NUBPL: variants seen among roughly 807,000 people sequenced by gnomAD.
NUBPL encodes iron-sulfur cluster transfer protein NUBPL.
Under a neutral mutation model 45.7 loss-of-function variants are expected in NUBPL, and 31 were observed. The ratio of observed to expected loss-of-function variants is 0.68; its 90% CI spans 0.51 to 0.92. NUBPL has a LOEUF of 0.92. Ranked by LOEUF, NUBPL falls within the 40% of genes least tolerant of loss-of-function variation. The probability of loss-of-function intolerance (pLI) is 0.00; values close to 1 mark genes in which losing one functional copy is unlikely to be tolerated. For synonymous variants in NUBPL, 144 were observed against 140.9 expected, an observed-to-expected ratio of 1.02 and a Z score of -0.15; for missense variants, 401 against 398.7, an observed-to-expected ratio of 1.01 and a Z score of -0.05.
chr14:31,628,974 A>G (rs916536131), intron 4 of NUBPL, among the ~76,000 whole-genome samples: 1 of 152,214 alleles, frequency 6.6e-6, no homozygotes, highest in African/African-American at 2.4e-5. Context: ...CTAAGGTGCC[A>G]GCAGTTTTAC....
At chr14:31,806,831 C>T (rs2039697340) in intron 7 of NUBPL, among the ~76,000 whole-genome samples, 1 of 152,182 alleles carries the variant, frequency 6.6e-6, no homozygotes, top group South Asian at 2.1e-4. Flanking sequence ...TCCAAGTGTT[C>T]TCATTGTTCA....
chr14:31,787,944 C>G (rs1474050570), intron 7 of NUBPL, 71 bp downstream of exon 7: 5 of 1,004,216 alleles, frequency 5.0e-6, no homozygotes, highest in Non-Finnish European at 7.8e-6. Flanking sequence ...AAAAAACAAA[C>G]TCCATGTTAG....
At chr14:31,834,578 A>G (rs552255659) in intron 8 of NUBPL, among the ~76,000 whole-genome samples, 1 of 152,340 alleles carries the variant, frequency 6.6e-6, no homozygotes, top group East Asian at 1.9e-4. Flanking sequence ...ACTGGATAGC[A>G]TTCTGCATCT....
chr14:31,804,061 C>T (rs2138875088), intron 7 of NUBPL, among the ~76,000 whole-genome samples: 1 of 152,134 alleles, frequency 6.6e-6, no homozygotes, highest in African/African-American at 2.4e-5. Flanking sequence ...ACCTAACTCT[C>T]AATCTAAATT....
chr14:31,805,767 G>A (rs1248060712), intron 7 of NUBPL, among the ~76,000 whole-genome samples: 1 of 152,040 alleles, frequency 6.6e-6, no homozygotes, highest in Admixed American at 6.6e-5. Context: ...TGAAGGGTGG[G>A]AGGAAGGAGA....
intron 4 of NUBPL, chr14:31,654,148 AT>A (rs762859162): frequency 2.9e-5 from 13 of 452,692 alleles, no homozygotes; most frequent in South Asian, 1.7e-4. Context: ...AGCAACATGA[AT>A]TTTTTGGTTT....
chr14:31,598,600 G>T lies in NUBPL; in HGVS notation c.292-689G>T, dbSNP rs115225520. Among the ~76,000 whole-genome samples, 977 of 152,312 alleles carry T rather than the reference G, an allele frequency of 6.4e-3. 9 individuals are homozygous for T. Among genetic ancestry groups the T allele is most frequent in the African/African-American group, 0.022 (914 of 41,560 alleles). Reference sequence around the variant, plus strand: ...TAAGCTGCTGATTAATTGACAGCCAGCGAAGAGCCCAGACAGGGTATCCTG... The same window carrying T: ...TAAGCTGCTGATTAATTGACAGCCATCGAAGAGCCCAGACAGGGTATCCTG... On this transcript the variant is annotated intron_variant, in intron 3 of 10. Coordinates refer to ENST00000281081, the MANE Select transcript of NUBPL (RefSeq NM_025152.3).
intron 4 of NUBPL, among the ~76,000 whole-genome samples, chr14:31,617,336 G>A (rs1595374350): frequency 6.6e-6 from 1 of 152,276 alleles, no homozygotes; most frequent in Admixed American, 6.5e-5. Context: ...GTGAAAGAGA[G>A]CATCCTTGTC....
chr14:31,638,065 A>T (rs1021202127), intron 4 of NUBPL, among the ~76,000 whole-genome samples: 8 of 152,030 alleles, frequency 5.3e-5, no homozygotes, highest in African/African-American at 1.9e-4. Flanking sequence ...GTGTCTTTTA[A>T]TTGGAGCATT....
chr14:31,769,046 CAG>C (rs2038962327), intron 6 of NUBPL, among the ~76,000 whole-genome samples: 1 of 152,098 alleles, frequency 6.6e-6, no homozygotes, highest in Non-Finnish European at 1.5e-5. Flanking sequence ...AAAAAGAGGA[CAG>C]GGAGTGGGCC....
chr14:31,798,300 ATGG>A (rs1299269559), intron 7 of NUBPL, among the ~76,000 whole-genome samples: 3,559 of 87,242 alleles, frequency 0.041, 140 homozygotes, highest in African/African-American at 0.14. Context: ...GTATTTATTT[ATGG>A]TTTTTTTTTT....
At chr14:31,732,800 C>T (rs1301249779) in intron 6 of NUBPL, among the ~76,000 whole-genome samples, 1 of 151,846 alleles carries the variant, frequency 6.6e-6, no homozygotes, top group Non-Finnish European at 1.5e-5. Flanking sequence ...TTAGTAGAGA[C>T]AGAGTTTCAC....
chr14:31,569,379 T>C (rs1398819668), intron 3 of NUBPL, among the ~76,000 whole-genome samples: 1 of 152,074 alleles, frequency 6.6e-6, no homozygotes, highest in African/African-American at 2.4e-5. Context: ...GTATTTTTAA[T>C]AGAGATGGGG....
At chr14:31,668,493 G>T (rs1427924927) in intron 4 of NUBPL, among the ~76,000 whole-genome samples, 1 of 152,180 alleles carries the variant, frequency 6.6e-6, no homozygotes, top group Non-Finnish European at 1.5e-5. Context: ...TAGCTTGCCG[G>T]GCTCTGTAGG....
chr14:31,858,040 G>T (rs547801043), intron 10 of NUBPL, among the ~76,000 whole-genome samples: 1 of 152,288 alleles, frequency 6.6e-6, no homozygotes, highest in African/African-American at 2.4e-5. Context: ...AAAAGAAAGA[G>T]GTTTATTGGA....
At chr14:31,649,944 C>G (rs1171481061) in intron 4 of NUBPL, among the ~76,000 whole-genome samples, 1 of 152,138 alleles carries the variant, frequency 6.6e-6, no homozygotes, top group African/African-American at 2.4e-5. Flanking sequence ...ACTGCAACCT[C>G]CGCCTCTCAG....
At chr14:31,793,440 A>T (rs1006802379) in intron 7 of NUBPL, among the ~76,000 whole-genome samples, 4 of 152,162 alleles carry the variant, frequency 2.6e-5, no homozygotes, top group African/African-American at 9.7e-5. Context: ...CACATAGCAT[A>T]ATATTTGGAT....
intron 6 of NUBPL, among the ~76,000 whole-genome samples, chr14:31,679,121 C>G (rs916718867): frequency 1.3e-5 from 2 of 152,202 alleles, no homozygotes; most frequent in African/African-American, 4.8e-5. Flanking sequence ...TCTCCCTCCC[C>G]AAGCACACAG....
intron 6 of NUBPL, among the ~76,000 whole-genome samples, chr14:31,736,753 G>A (rs2038174472): frequency 6.6e-6 from 1 of 152,280 alleles, no homozygotes. Flanking sequence ...TTAGGGATAT[G>A]TTTAGTTTTA....
Sources: allele counts gnomAD v4.1 joint callset (sites outside exome capture counted in the v4.1 genomes callset), GRCh38; gene constraint gnomAD v4.1.1; transcripts MANE v1.5; gene names NCBI Gene and HGNC (gene_info 2026-07-23, HGNC 2026-07-21).